The following DYM variants were observed in gnomAD, a reference collection of about 807,000 sequenced individuals.
DYM encodes dyggve-Melchior-Clausen syndrome protein.
In DYM, 78 loss-of-function variants were observed where a neutral mutation model predicts 93.1. The ratio of observed to expected loss-of-function variants is 0.84; its 90% CI spans 0.70 to 1.01. The LOEUF is 1.01. DYM is among the 50% of genes least tolerant of loss of function. The pLI is 0.00. For synonymous variants in DYM, 321 were observed against 319.7 expected (o/e 1.00, Z -0.04); for missense variants, 789 against 845.0 (o/e 0.93, Z 0.82).
At chr18:49,120,762 C>G (rs2082310675) in intron 15 of DYM, among the ~76,000 whole-genome samples, 1 of 152,114 alleles carries the variant, frequency 6.6e-6, no homozygotes. Context: ...AGTTTACTTC[C>G]CCTGCTTAAG....
At chr18:49,086,880 C>T (rs1360820911) in intron 17 of DYM, among the ~76,000 whole-genome samples, 1 of 151,814 alleles carries the variant, frequency 6.6e-6, no homozygotes, top group Non-Finnish European at 1.5e-5. Flanking sequence ...CCCAGCGACT[C>T]GGGAGACTGA....
chr18:49,309,034 T>C (rs1189200840), intron 8 of DYM, among the ~76,000 whole-genome samples: 2 of 150,346 alleles, frequency 1.3e-5, no homozygotes, highest in East Asian at 2.1e-4. Context: ...ATAAACAAGA[T>C]AGGATTTTAA....
At chr18:49,092,568 C>G (rs893742335) in intron 17 of DYM, among the ~76,000 whole-genome samples, 1 of 152,220 alleles carries the variant, frequency 6.6e-6, no homozygotes, top group African/African-American at 2.4e-5. Context: ...GTCTTACACA[C>G]TTCTGTTTCC....
intron 17 of DYM, among the ~76,000 whole-genome samples, chr18:49,087,914 C>A (rs2145340720): frequency 6.6e-6 from 1 of 152,296 alleles, no homozygotes; most frequent in South Asian, 2.1e-4. Flanking sequence ...GCATAAATGT[C>A]TTCTTTTGAG....
At chr18:49,107,700 A>G (rs1039977124) in intron 16 of DYM, among the ~76,000 whole-genome samples, 3 of 152,224 alleles carry the variant, frequency 2.0e-5, no homozygotes, top group Admixed American at 2.0e-4. Flanking sequence ...GGGTATCAGC[A>G]GCGGAGGCTA....
At chr18:49,363,275 C>T (rs759148665) in intron 5 of DYM, 42 bp from the exon 6 acceptor site, 10 of 1,320,192 alleles carry the variant, frequency 7.6e-6, no homozygotes, top group East Asian at 4.6e-5. Flanking sequence ...ACAAAGTACA[C>T]AGTAGAATAC....
intron 13 of DYM, among the ~76,000 whole-genome samples, chr18:49,221,834 C>G (rs1397427364): frequency 6.6e-6 from 1 of 151,836 alleles, no homozygotes; most frequent in Non-Finnish European, 1.5e-5. Flanking sequence ...TGGAGCACAC[C>G]AGCATGGCAC....
chr18:49,308,558 A>G (rs1159177709), intron 8 of DYM, among the ~76,000 whole-genome samples: 1 of 152,174 alleles, frequency 6.6e-6, no homozygotes, highest in African/African-American at 2.4e-5. Flanking sequence ...CTCTACAATA[A>G]AGACCACATT....
intron 15 of DYM, among the ~76,000 whole-genome samples, chr18:49,135,892 A>C (rs138765078): frequency 3.1e-3 from 470 of 152,370 alleles, no homozygotes; most frequent in African/African-American, 0.011. Flanking sequence ...GGTAACCCTG[A>C]CTGGAGACAG....
intron 16 of DYM, among the ~76,000 whole-genome samples, chr18:49,099,187 G>C (rs1397958708): frequency 6.6e-6 from 1 of 152,126 alleles, no homozygotes; most frequent in Non-Finnish European, 1.5e-5. Flanking sequence ...TGTTACATAT[G>C]CTTTAGGCTT....
At chr18:49,351,027 T>C (rs1481074328) in intron 6 of DYM, among the ~76,000 whole-genome samples, 2 of 152,102 alleles carry the variant, frequency 1.3e-5, no homozygotes, top group East Asian at 3.9e-4. Context: ...AGTATCTGAC[T>C]TGAACATGAG....
At chr18:49,111,537 T>G (rs2081391310) in intron 16 of DYM, among the ~76,000 whole-genome samples, 1 of 152,252 alleles carries the variant, frequency 6.6e-6, no homozygotes, top group African/African-American at 2.4e-5. Context: ...GCTTGGAGGT[T>G]GAGCTGATTC....
intron 16 of DYM, 87 bp from the exon 17 acceptor site, chr18:49,097,602 T>G: frequency 8.9e-7 from 1 of 1,117,698 alleles, no homozygotes. Flanking sequence ...AGTCAAACTA[T>G]CATGATTCCA....
chr18:49,388,328 CAAAATA>C (rs545001240), intron 3 of DYM, among the ~76,000 whole-genome samples: 3 of 149,402 alleles, frequency 2.0e-5, no homozygotes, highest in African/African-American at 7.4e-5. Flanking sequence ...GACCCTGTCT[CAAAATA>C]AAAATAAAAA....
rs1442310470 is a variant in DYM at position 49,430,427 on chromosome 18, C to T, written c.-33G>A. Reference sequence around the variant, plus strand: ...CTTAAGCAGATAATTTGTCCTTAAACCTGCATTTCCAAAAGACAACCTATA... The same window carrying T: ...CTTAAGCAGATAATTTGTCCTTAAATCTGCATTTCCAAAAGACAACCTATA... On this transcript the variant is annotated 5_prime_UTR_variant, in exon 2 of 18. Coordinates refer to ENST00000675505, the MANE Select transcript of DYM (RefSeq NM_001353214.3). The T allele has an allele frequency of 8.1e-6, 13 of 1,611,242 alleles. No individual in the cohort carries two copies. Among genetic ancestry groups the T allele is most frequent in the Middle Eastern group, 1.7e-4 (1 of 6,058 alleles).
Position 49,379,769 on chromosome 18 carries a change from A to G in DYM, c.194-11T>C, listed in dbSNP as rs1375161291. ...GAGGATTGTTTTCAACTGCAAGAGA[A>G]GAAAAGGTTTTAAAAAGTTAAATTT... On this transcript the variant is annotated splice_polypyrimidine_tract_variant and intron_variant, in intron 3 of 17. Coordinates refer to ENST00000675505, the MANE Select transcript of DYM (RefSeq NM_001353214.3). 1 of 1,602,982 alleles carries G rather than the reference A, an allele frequency of 6.2e-7. No homozygotes were observed. Among genetic ancestry groups the G allele is most frequent in the African/African-American group, 1.3e-5 (1 of 74,842 alleles).
At chr18:49,420,787 C>T (rs1466866887) in intron 2 of DYM, among the ~76,000 whole-genome samples, 1 of 152,096 alleles carries the variant, frequency 6.6e-6, no homozygotes, top group African/African-American at 2.4e-5. Flanking sequence ...ACAGACAGCA[C>T]CTGGAAAATC....
intron 16 of DYM, among the ~76,000 whole-genome samples, chr18:49,113,791 T>A (rs1335949195): frequency 6.6e-6 from 1 of 152,234 alleles, no homozygotes; most frequent in East Asian, 1.9e-4. Context: ...TATCACAGCA[T>A]CTTTTCAAAA....
At chr18:49,305,685 A>T (rs1317323759) in intron 8 of DYM, among the ~76,000 whole-genome samples, 1 of 152,234 alleles carries the variant, frequency 6.6e-6, no homozygotes, top group Non-Finnish European at 1.5e-5. Context: ...AAGCTGAATT[A>T]TTCCTATCAC....
Sources: gnomAD v4.1 joint callset for allele counts (sites outside exome capture counted in the v4.1 genomes callset) on GRCh38, gnomAD v4.1.1 for gene constraint, MANE v1.5 for transcripts, NCBI Gene and HGNC (gene_info 2026-07-23, HGNC 2026-07-21) for gene names.